Variants in AGAP1 observed in about 807,000 individuals in gnomAD.
AGAP1 encodes arf-GAP with GTPase, ANK repeat and PH domain-containing protein 1.
A neutral mutation model predicts 105.3 loss-of-function variants in AGAP1; 29 were observed. The observed-to-expected ratio is 0.28, with a 90% CI of 0.21 to 0.38. The LOEUF is 0.38. Ranked by LOEUF, AGAP1 falls within the 10% of genes least tolerant of loss-of-function variation. AGAP1 has a pLI of 1.00. For synonymous variants in AGAP1, 509 were observed against 485.9 expected (o/e 1.05, Z -0.63); for missense variants, 998 against 1,165.1 (o/e 0.86, Z 2.09).
At chr2:235,512,817 C>G (rs947424518) in intron 1 of AGAP1, among the ~76,000 whole-genome samples, 5 of 152,206 alleles carry the variant, frequency 3.3e-5, no homozygotes, top group Non-Finnish European at 5.9e-5. Flanking sequence ...AGAATCTGCC[C>G]TTTGCCTTCC....
At chr2:235,563,253 C>T (rs1006468792) in intron 1 of AGAP1, among the ~76,000 whole-genome samples, 14 of 152,088 alleles carry the variant, frequency 9.2e-5, no homozygotes, top group Non-Finnish European at 2.1e-4. Context: ...ACTCGGCGTC[C>T]CCAGCACTTC....
At position 235,871,414 on chromosome 2, in the gene AGAP1, G is replaced by C. The variant is rs970065938; in HGVS notation, c.1051-11931G>C. Among the ~76,000 whole-genome samples, 15 of 152,282 alleles carry C rather than the reference G, an allele frequency of 9.9e-5. No homozygotes were observed. In the South Asian group the frequency reaches 3.1e-3, roughly 32 times the overall value. On this transcript the variant is annotated intron_variant, in intron 9 of 17. Transcript: ENST00000304032. Reference sequence around the variant, plus strand: ...CTCTTGCTATGCTACCCATCCCCCTGCGTGGGGTGGCCGGGAGGGGGCAGG... The same window carrying C: ...CTCTTGCTATGCTACCCATCCCCCTCCGTGGGGTGGCCGGGAGGGGGCAGG...
At chr2:235,770,917 A>C (rs1202045601) in intron 6 of AGAP1, among the ~76,000 whole-genome samples, 1 of 152,200 alleles carries the variant, frequency 6.6e-6, no homozygotes, top group Non-Finnish European at 1.5e-5. Flanking sequence ...GGGTCTTTGC[A>C]GATGTGGTTA....
At position 235,865,125 on chromosome 2, in the gene AGAP1, T is replaced by C. The variant is rs753745572; in HGVS notation, c.1051-18220T>C. 8.5e-5 allele frequency among the ~76,000 whole-genome samples: 13 copies of C among 152,234 alleles called. No homozygotes were observed. Among genetic ancestry groups the C allele is most frequent in the Non-Finnish European group, 1.8e-4 (12 of 68,044 alleles). ...TCACAAAGCATACATTTCGGGGCAG[T>C]TAGCTGAATAATTCTTTTCTTTATT... On this transcript the variant is annotated intron_variant, in intron 9 of 17. Coordinates refer to ENST00000304032, the MANE Select transcript of AGAP1 (RefSeq NM_001037131.3). The surrounding 1 kb of genome is among the most constrained non-coding windows in gnomAD (Gnocchi z 6.2).
At position 235,799,430 on chromosome 2, in the gene AGAP1, A is replaced by C; in HGVS notation, c.865A>C (p.Ser289Arg). 2 of 1,614,204 alleles carry C rather than the reference A, an allele frequency of 1.2e-6. No individual in the cohort carries two copies. The highest frequency in any genetic ancestry group is 1.7e-6 in the Non-Finnish European group (2 of 1,180,046). ...CTCCGTTCCATCGACTCCCAGCACC[A>C]GCCAGAAGGAACTTCGGATCGATGT... The part of the protein sequence containing the change: ...SSSVPSTPST[S>R]QKELRIDVPP... The change falls in exon 8 of 18, where the codon AGC (serine) becomes CGC (arginine). Residue 289 changes from serine to arginine, a missense_variant. Physicochemically the swap from Ser to Arg is moderately radical, Grantham distance 110. Transcript: ENST00000304032. The surrounding 1 kb of genome is among the most constrained non-coding windows in gnomAD (Gnocchi z 5.0).
At chr2:235,944,573 T>C (rs1274586317) in intron 12 of AGAP1, among the ~76,000 whole-genome samples, 2 of 152,256 alleles carry the variant, frequency 1.3e-5, no homozygotes, top group Non-Finnish European at 2.9e-5. Flanking sequence ...TGACCCATCC[T>C]TTGTTCTATA....
intron 13 of AGAP1, among the ~76,000 whole-genome samples, chr2:236,021,323 C>A (rs73121848): frequency 6.6e-5 from 10 of 152,176 alleles, no homozygotes; most frequent in African/African-American, 2.2e-4. Context: ...ATCACCTCAG[C>A]GCTGAGCAGC....
In AGAP1 at chr2:236,125,985, C is replaced by T. The variant is rs915389307; in HGVS notation, c.*1863C>T. ...GCCTCCGGGGTGTTCCTCGCTCTCT[C>T]GTATGTTAAACCTTATATTTTATAA... On this transcript the variant is annotated 3_prime_UTR_variant, in exon 18 of 18. Transcript: ENST00000304032. The surrounding 1 kb of genome is among the most constrained non-coding windows in gnomAD (Gnocchi z 5.2). The T allele has an allele frequency of 9.4e-5, 14 of 149,190 alleles. No homozygotes were observed. Among genetic ancestry groups the T allele is most frequent in the African/African-American group, 3.3e-4 (13 of 39,988 alleles). 9.2% of individuals were successfully genotyped at this position (149,190 alleles called of 1,614,324 possible).
intron 1 of AGAP1, among the ~76,000 whole-genome samples, chr2:235,543,358 G>A (rs879732962): frequency 2.0e-5 from 3 of 152,136 alleles, no homozygotes; most frequent in South Asian, 2.1e-4. Flanking sequence ...CCTGCCATTC[G>A]GTTTCCACTC....
chr2:235,844,578 C>T (rs1961251507), intron 9 of AGAP1, among the ~76,000 whole-genome samples: 1 of 152,106 alleles, frequency 6.6e-6, no homozygotes, highest in African/African-American at 2.4e-5. Context: ...TTAAACCCAC[C>T]CCCTGACCTT....
At chr2:235,590,777 G>T (rs1315907446) in intron 1 of AGAP1, among the ~76,000 whole-genome samples, 1 of 137,156 alleles carries the variant, frequency 7.3e-6, no homozygotes, top group African/African-American at 2.8e-5. Context: ...CTGGAGTGCA[G>T]TGGTGTGATC....
chr2:235,726,229 C>G (rs986229500), intron 3 of AGAP1, among the ~76,000 whole-genome samples: 4 of 152,178 alleles, frequency 2.6e-5, no homozygotes, highest in African/African-American at 9.6e-5. Context: ...GACAAGCCCG[C>G]TGGCTTCTGT....
intron 11 of AGAP1, among the ~76,000 whole-genome samples, chr2:235,924,631 A>G (rs1475197073): frequency 3.9e-5 from 6 of 152,198 alleles, no homozygotes; most frequent in Non-Finnish European, 5.9e-5. Context: ...TCTTGCAGCA[A>G]TAGCAATAGT....
At chr2:235,823,948 C>T (rs764182626) in intron 9 of AGAP1, among the ~76,000 whole-genome samples, 4 of 152,072 alleles carry the variant, frequency 2.6e-5, no homozygotes, top group East Asian at 1.9e-4. Flanking sequence ...AGCTGAGGCT[C>T]GCCTTGCATG....
chr2:235,914,951 CAG>C (rs1258021163), intron 11 of AGAP1, among the ~76,000 whole-genome samples: 20 of 152,270 alleles, frequency 1.3e-4, no homozygotes, highest in Admixed American at 1.2e-3. Flanking sequence ...AAAAGGGAAA[CAG>C]AGATGATTGT....
intron 16 of AGAP1, among the ~76,000 whole-genome samples, chr2:236,071,853 G>A (rs960409608): frequency 1.3e-5 from 2 of 152,184 alleles, no homozygotes; most frequent in Admixed American, 6.5e-5. Flanking sequence ...CAGACAGGTT[G>A]GAGCACCACA....
intron 10 of AGAP1, among the ~76,000 whole-genome samples, chr2:235,892,605 T>C (rs1266855007): frequency 6.6e-6 from 1 of 151,584 alleles, no homozygotes; most frequent in Non-Finnish European, 1.5e-5. Context: ...AAGATTGCTA[T>C]GAGAATAGCA....
chr2:235,968,634 C>G lies in AGAP1; in HGVS notation c.1645+11C>G, dbSNP rs371594300. The G allele has an allele frequency of 4.4e-6, 7 of 1,595,532 alleles. No individual in the cohort carries two copies. Among genetic ancestry groups the G allele is most frequent in the East Asian group, 2.3e-5 (1 of 44,332 alleles). On this transcript the variant is annotated intron_variant, in intron 13 of 17. Coordinates refer to ENST00000304032, the MANE Select transcript of AGAP1 (RefSeq NM_001037131.3). ...CCGGCACTGCTGAAGGTAAGGGTTC[C>G]GCGGTGCCCCGGGAGAGAGTCTCCA...
At chr2:235,713,452 A>G (rs1331753602) in intron 2 of AGAP1, among the ~76,000 whole-genome samples, 1 of 152,206 alleles carries the variant, frequency 6.6e-6, no homozygotes, top group East Asian at 1.9e-4. Context: ...GCAGTCATGC[A>G]TGTACTCATC....
Sources: gnomAD v4.1 joint callset for allele counts (sites outside exome capture counted in the v4.1 genomes callset) on GRCh38, gnomAD v4.1.1 for gene constraint, Gnocchi (gnomAD v3.1) non-coding constraint, MANE v1.5 for transcripts, NCBI Gene and HGNC (gene_info 2026-07-23, HGNC 2026-07-21) for gene names.